The following PTPN4 variants were observed in gnomAD, a reference collection of about 807,000 sequenced individuals.
PTPN4 encodes protein tyrosine phosphatase non-receptor type 4.
Under a neutral mutation model 135.5 loss-of-function variants are expected in PTPN4, and 49 were observed. The observed-to-expected ratio is 0.36, with a 90% CI of 0.29 to 0.46. The LOEUF is 0.46. Ranked by LOEUF, PTPN4 falls within the 20% of genes least tolerant of loss-of-function variation. The pLI, the probability that PTPN4 is intolerant of heterozygous loss-of-function variation, is 1.00. For synonymous variants in PTPN4, 333 were observed against 369.9 expected, an observed-to-expected ratio of 0.90 and a Z score of 1.14; for missense variants, 860 against 1,101.0, an observed-to-expected ratio of 0.78 and a Z score of 3.10.
At chr2:119,816,805 G>A (rs184802563) in intron 2 of PTPN4, among the ~76,000 whole-genome samples, 1 of 152,310 alleles carries the variant, frequency 6.6e-6, no homozygotes, top group Admixed American at 6.5e-5. Context: ...GCTTTTCAGT[G>A]CTGTTGTAGC....
chr2:119,968,749 G>A (rs556832007), intron 26 of PTPN4, among the ~76,000 whole-genome samples: 17 of 152,142 alleles, frequency 1.1e-4, no homozygotes, highest in African/African-American at 3.9e-4. Context: ...CCGAGATTGC[G>A]CCACTGTACT....
At chr2:119,963,033 T>C (rs1439009761) in intron 24 of PTPN4, among the ~76,000 whole-genome samples, 2 of 152,172 alleles carry the variant, frequency 1.3e-5, no homozygotes, top group East Asian at 1.9e-4. Context: ...AACAACTGTT[T>C]AGATATGTTT....
At chr2:119,769,078 G>A (rs183722325) in intron 1 of PTPN4, among the ~76,000 whole-genome samples, 177 of 152,276 alleles carry the variant, frequency 1.2e-3, no homozygotes, top group African/African-American at 3.7e-3. Flanking sequence ...TGCTTATGAA[G>A]TATATATAAA....
intron 9 of PTPN4, among the ~76,000 whole-genome samples, chr2:119,900,344 A>G (rs181547551): frequency 6.6e-6 from 1 of 152,130 alleles, no homozygotes; most frequent in African/African-American, 2.4e-5. Context: ...TGATGTTAGC[A>G]TCACAGTTAC....
At chr2:119,869,729 T>C (rs1387312919) in intron 3 of PTPN4, among the ~76,000 whole-genome samples, 1 of 152,212 alleles carries the variant, frequency 6.6e-6, no homozygotes, top group Non-Finnish European at 1.5e-5. Context: ...CTCCTCTTTC[T>C]GCCTACTTTT....
intron 1 of PTPN4, among the ~76,000 whole-genome samples, chr2:119,787,170 G>A (rs150813071): frequency 4.3e-4 from 66 of 152,276 alleles, no homozygotes; most frequent in African/African-American, 1.5e-3. Flanking sequence ...CTCCTGGGCT[G>A]GTGGCTAGTT....
intron 11 of PTPN4, among the ~76,000 whole-genome samples, chr2:119,917,751 A>G (rs1479360885): frequency 6.6e-6 from 1 of 151,828 alleles, no homozygotes; most frequent in Non-Finnish European, 1.5e-5. Flanking sequence ...AGAAAAAAGG[A>G]AAAAAAAGAC....
chr2:119,835,788 G>A (rs181700123), intron 2 of PTPN4, among the ~76,000 whole-genome samples: 5 of 152,176 alleles, frequency 3.3e-5, no homozygotes, highest in Admixed American at 2.0e-4. Flanking sequence ...GGAAGGAACC[G>A]GCCGGGCATG....
chr2:119,822,347 G>T, intron 2 of PTPN4, among the ~76,000 whole-genome samples: 1 of 145,118 alleles, frequency 6.9e-6, no homozygotes, highest in African/African-American at 2.5e-5. Context: ...AAGTGTATTA[G>T]TATCCCCTCC....
chr2:119,944,291 C>T (rs1679103249), intron 15 of PTPN4, among the ~76,000 whole-genome samples: 1 of 152,194 alleles, frequency 6.6e-6, no homozygotes, highest in Non-Finnish European at 1.5e-5. Context: ...TCTTTTACTT[C>T]TCCCAAATCC....
chr2:119,928,734 A>G (rs867669260), intron 13 of PTPN4, among the ~76,000 whole-genome samples: 5 of 152,144 alleles, frequency 3.3e-5, no homozygotes, highest in Admixed American at 2.0e-4. Context: ...GCGTAGCAAT[A>G]TACTTAAAAC....
intron 9 of PTPN4, among the ~76,000 whole-genome samples, chr2:119,887,161 T>C (rs1201893298): frequency 6.6e-6 from 1 of 152,166 alleles, no homozygotes; most frequent in Non-Finnish European, 1.5e-5. Flanking sequence ...TTAAAACAGA[T>C]GGAACTTTAA....
rs1347835804 is a variant in PTPN4, at chr2:119,967,867, T to A, written c.2589T>A (p.Ile863=). 1.7e-5 allele frequency: 27 copies of A among 1,610,690 alleles called. No homozygotes were observed. The highest frequency in any genetic ancestry group is 2.3e-5 in the Non-Finnish European group (27 of 1,177,844). ...GAATCGGAAGAACTGGGGTTCTTAT[T>A]ACTATGGAAACAGCCATGTGTCTCA... The part of the protein sequence containing the change: ...SAGIGRTGVL[I]TMETAMCLIE... The change falls in exon 26 of 27, where the codon ATT becomes ATA. Residue 863 remains isoleucine, a synonymous_variant. Coordinates refer to ENST00000263708, the MANE Select transcript of PTPN4 (RefSeq NM_002830.4).
In PTPN4 at chr2:119,965,308, C is replaced by T. The variant is rs75930545; in HGVS notation, c.2410-189C>T. Among the ~76,000 whole-genome samples, 3 of 152,264 alleles carry T rather than the reference C, an allele frequency of 2.0e-5. No individual in the cohort carries two copies. The East Asian group carries it at 5.8e-4, about 29-fold the overall frequency. ...ATGGGTCTGTGGGATTCTGAGGCAA[C>T]AGGCACCAACCAACTATGAGGACGC... On this transcript the variant is annotated intron_variant, in intron 24 of 26. Coordinates refer to ENST00000263708, the MANE Select transcript of PTPN4 (RefSeq NM_002830.4).
In PTPN4 at chr2:119,877,378, A is replaced by G. The variant is rs1166026281; in HGVS notation, c.289+13A>G. 1 of 1,611,744 alleles carries G rather than the reference A, an allele frequency of 6.2e-7. No homozygotes were observed. The highest frequency in any genetic ancestry group is 8.5e-7 in the Non-Finnish European group (1 of 1,179,238). On this transcript the variant is annotated intron_variant, in intron 4 of 26. Coordinates refer to ENST00000263708, the MANE Select transcript of PTPN4 (RefSeq NM_002830.4). Reference sequence around the variant, plus strand: ...AAGCAGCTAAAGAGTGAGCATACATATTTACTTAATGTTTTGCAAGTTTAC... The same window carrying G: ...AAGCAGCTAAAGAGTGAGCATACATGTTTACTTAATGTTTTGCAAGTTTAC...
At chr2:119,875,780 G>T (rs941475809) in intron 3 of PTPN4, among the ~76,000 whole-genome samples, 13 of 152,116 alleles carry the variant, frequency 8.5e-5, no homozygotes, top group African/African-American at 3.1e-4. Context: ...CCTGTGCTAG[G>T]TGCTGACTCT....
At chr2:119,834,714 A>G (rs1677265574) in intron 2 of PTPN4, among the ~76,000 whole-genome samples, 1 of 152,156 alleles carries the variant, frequency 6.6e-6, no homozygotes, top group Non-Finnish European at 1.5e-5. Flanking sequence ...GGGGTAGAGT[A>G]TAAGTCCTGC....
chr2:119,877,403 C>T lies in PTPN4; in HGVS notation c.289+38C>T, dbSNP rs200110818. 153 of 1,608,338 alleles carry T rather than the reference C, an allele frequency of 9.5e-5. No homozygotes were observed. The East Asian group carries it at 3.4e-3, about 35-fold the overall frequency. ...ATTTACTTAATGTTTTGCAAGTTTA[C>T]TTTATAAAGATAAAGGATTAATATA... On this transcript the variant is annotated intron_variant, in intron 4 of 26. Coordinates refer to ENST00000263708, the MANE Select transcript of PTPN4 (RefSeq NM_002830.4).
At chr2:119,869,866 T>C (rs951111564) in intron 3 of PTPN4, among the ~76,000 whole-genome samples, 1 of 152,154 alleles carries the variant, frequency 6.6e-6, no homozygotes, top group African/African-American at 2.4e-5. Flanking sequence ...GTTGACAGGA[T>C]TGGTGGAAGA....
Sources: allele counts gnomAD v4.1 joint callset (sites outside exome capture counted in the v4.1 genomes callset), GRCh38; gene constraint gnomAD v4.1.1; transcripts MANE v1.5; gene names NCBI Gene and HGNC (gene_info 2026-07-23, HGNC 2026-07-21).